The following BEGAIN variants were observed in gnomAD, a reference collection of about 807,000 sequenced individuals.
BEGAIN encodes the protein brain-enriched guanylate kinase-associated protein.
BEGAIN carries 19 observed loss-of-function variants against 35.8 expected under a neutral mutation model. The ratio of observed to expected loss-of-function variants is 0.53; its 90% CI spans 0.37 to 0.78. The LOEUF is 0.78. Among genes scored for constraint, BEGAIN ranks in the 30% least tolerant of loss-of-function variants. The probability of loss-of-function intolerance (pLI) is 0.00; values close to 1 mark genes in which losing one functional copy is unlikely to be tolerated. For synonymous variants in BEGAIN, 462 were observed against 388.6 expected, an observed-to-expected ratio of 1.19 and a Z score of -2.22; for missense variants, 795 against 853.6, an observed-to-expected ratio of 0.93 and a Z score of 0.85.
At chr14:100,541,622 C>T (rs987836464) in intron 5 of BEGAIN, among the ~76,000 whole-genome samples, 8 of 152,162 alleles carry the variant, frequency 5.3e-5, no homozygotes, top group African/African-American at 9.7e-5. Flanking sequence ...CCCAGTCGAC[C>T]GGCTGCCCCT....
At chr14:100,554,851 C>T (rs1228457570) in intron 2 of BEGAIN, among the ~76,000 whole-genome samples, 3 of 152,246 alleles carry the variant, frequency 2.0e-5, no homozygotes, top group Non-Finnish European at 2.9e-5. Context: ...CCCAGGGACC[C>T]GCCACAGCCC....
In BEGAIN at chr14:100,581,781, G is replaced by C. The variant is rs571945519; in HGVS notation, c.42+5468C>G. ...CTGCTGCCTGGCACACACTGCCCCT[G>C]TGGTTGGAAAGCTGGCCCCTGCCAG... On this transcript the variant is annotated intron_variant, in intron 1 of 6. Transcript: ENST00000554140. Among the ~76,000 whole-genome samples, 22 of 152,376 alleles carry C rather than the reference G, an allele frequency of 1.4e-4. No homozygotes were observed. The South Asian group carries it at 3.5e-3, about 24-fold the overall frequency.
At chr14:100,572,779 G>A (rs1005626534) in intron 1 of BEGAIN, among the ~76,000 whole-genome samples, 1 of 152,168 alleles carries the variant, frequency 6.6e-6, no homozygotes, top group Admixed American at 6.5e-5. Flanking sequence ...TCCTGGGGAC[G>A]GGGTGTGGCT....
At chr14:100,576,313 G>A (rs937515530) in intron 1 of BEGAIN, among the ~76,000 whole-genome samples, 3 of 152,296 alleles carry the variant, frequency 2.0e-5, no homozygotes, top group South Asian at 4.1e-4. Context: ...CAGAGGTGGA[G>A]GGCAAAGTGC....
rs1206080452 is a variant in BEGAIN at position 100,573,305 on chromosome 14, C to T, written c.43-5366G>A. Among the ~76,000 whole-genome samples, 2 of 145,590 alleles carry T rather than the reference C, an allele frequency of 1.4e-5. No individual in the cohort carries two copies. The highest frequency in any genetic ancestry group is 3.5e-3 in the Middle Eastern group (1 of 284). On this transcript the variant is annotated intron_variant, in intron 1 of 6. Transcript: ENST00000554140. The surrounding 1 kb of genome is among the most constrained non-coding windows in gnomAD (Gnocchi z 4.2). ...CGGGGCGGGTGAGTCCCGAAGGGGC[C>T]GCCAGAGGAGGGGCGGGTGAGTCCT...
chr14:100,577,596 C>T (rs1410961781), intron 1 of BEGAIN: 1 of 398,976 alleles, frequency 2.5e-6, no homozygotes, highest in African/African-American at 2.1e-5. Flanking sequence ...CCAGAACCCG[C>T]ACAGTGACCT....
intron 1 of BEGAIN, among the ~76,000 whole-genome samples, chr14:100,582,733 A>G (rs1393089698): frequency 6.6e-6 from 1 of 152,074 alleles, no homozygotes; most frequent in Non-Finnish European, 1.5e-5. Context: ...CCTTTCGAAG[A>G]GGTCTCACTG....
At chr14:100,544,957 G>A (rs1253278149) in intron 4 of BEGAIN, 43 bp downstream of exon 4, 1 of 1,593,568 alleles carries the variant, frequency 6.3e-7, no homozygotes, top group Non-Finnish European at 8.6e-7. Flanking sequence ...CCCCCGGGAA[G>A]GAGGTGTGGG....
intron 2 of BEGAIN, among the ~76,000 whole-genome samples, chr14:100,555,780 C>T (rs1295118604): frequency 6.6e-6 from 1 of 152,196 alleles, no homozygotes; most frequent in Non-Finnish European, 1.5e-5. Context: ...CACGGTGGCC[C>T]CGGAGTCCAA....
At chr14:100,548,604 C>G (rs1431924901) in intron 2 of BEGAIN, 1 of 152,440 alleles carries the variant, frequency 6.6e-6, no homozygotes, top group Non-Finnish European at 1.5e-5. Context: ...CCAGCCCTGC[C>G]CCTTCTGGGC....
chr14:100,568,817 C>T lies in BEGAIN; in HGVS notation c.43-878G>A, dbSNP rs558274914. ...CTCTATCACCCGGGAGAGGCCGCTC[C>T]CCGGGGCTTTGCCCGTCTTTCTGTG... is the stretch of plus-strand genomic sequence containing the variant. On this transcript the variant is annotated intron_variant, in intron 1 of 6. Transcript: ENST00000554140. The surrounding 1 kb of genome is among the most constrained non-coding windows in gnomAD (Gnocchi z 7.5). 2.9e-4 allele frequency: 286 copies of T among 974,542 alleles called. 2 individuals are homozygous for T. In the African/African-American group the frequency reaches 4.6e-3, roughly 16 times the overall value. The allele number at this position is 974,542 out of a possible 1,614,324, so 60.4% of individuals were successfully genotyped here.
intron 2 of BEGAIN, among the ~76,000 whole-genome samples, chr14:100,554,532 C>T (rs76721124): frequency 0.032 from 4,852 of 152,172 alleles, 245 homozygotes; most frequent in African/African-American, 0.11. Flanking sequence ...GGATCTCACT[C>T]CTCCCTGCTG....
In BEGAIN at chr14:100,578,876, T is replaced by C. The variant is rs1168190804; in HGVS notation, c.42+8373A>G. Among the ~76,000 whole-genome samples, 5 of 151,022 alleles carry C rather than the reference T, an allele frequency of 3.3e-5. No homozygotes were observed. The East Asian group carries it at 5.8e-4, about 18-fold the overall frequency. ...TGGTACTTTTTTTTTTTTTTTTTTT[T>C]CTGAGATGGAGTTTCGCTCTTGTTG... On this transcript the variant is annotated intron_variant, in intron 1 of 6. Transcript: ENST00000554140.
At chr14:100,579,086 C>G (rs968549215) in intron 1 of BEGAIN, among the ~76,000 whole-genome samples, 1 of 152,186 alleles carries the variant, frequency 6.6e-6, no homozygotes, top group Admixed American at 6.5e-5. Context: ...GTCTCGAACT[C>G]CTGACCTCAG....
At chr14:100,541,232 T>C (rs1278531946) in intron 5 of BEGAIN, among the ~76,000 whole-genome samples, 1 of 152,350 alleles carries the variant, frequency 6.6e-6, no homozygotes, top group African/African-American at 2.4e-5. Flanking sequence ...CTCTGTTGCA[T>C]GTGCCTGTGT....
rs80269646 is a variant in BEGAIN at position 100,577,849 on chromosome 14, T to C, written c.42+9400A>G. ...TCGAAGGTCCTGTCTGTGAGCTTCC[T>C]TGATGGGGGCTTCTGTCCCGGGCTC... On this transcript the variant is annotated intron_variant, in intron 1 of 6. Coordinates refer to ENST00000554140, the MANE Select transcript of BEGAIN (RefSeq NM_001385089.1). 3.9e-3 allele frequency: 1,545 copies of C among 399,386 alleles called. 23 individuals are homozygous for C. The highest frequency in any genetic ancestry group is 0.026 in the African/African-American group (1,268 of 48,758). 24.7% of individuals were successfully genotyped at this position (399,386 alleles called of 1,614,324 possible). A position where few individuals can be genotyped will look rare whatever the true frequency, so the allele number is the denominator to read the frequency against.
chr14:100,552,078 C>T (rs372013560), intron 2 of BEGAIN, among the ~76,000 whole-genome samples: 4 of 152,256 alleles, frequency 2.6e-5, no homozygotes, highest in African/African-American at 9.6e-5. Context: ...CTCCTCCCAG[C>T]CCTTGCCAAG....
chr14:100,559,918 C>G (rs990278809), intron 2 of BEGAIN, among the ~76,000 whole-genome samples: 1 of 152,214 alleles, frequency 6.6e-6, no homozygotes, highest in African/African-American at 2.4e-5. Flanking sequence ...GCGCCGGGGC[C>G]GAGGAGAGAG....
At chr14:100,562,100 G>A (rs909853264) in intron 2 of BEGAIN, among the ~76,000 whole-genome samples, 18 of 152,154 alleles carry the variant, frequency 1.2e-4, no homozygotes, top group African/African-American at 4.3e-4. Flanking sequence ...GTGGGGTAGA[G>A]AGCCTTGAAG....
Sources: gnomAD v4.1 joint callset for allele counts (sites outside exome capture counted in the v4.1 genomes callset) on GRCh38, gnomAD v4.1.1 for gene constraint, Gnocchi (gnomAD v3.1) non-coding constraint, MANE v1.5 for transcripts, NCBI Gene and HGNC (gene_info 2026-07-23, HGNC 2026-07-21) for gene names.